Variants in KCNC4 observed in about 807,000 individuals in gnomAD.
The protein encoded by KCNC4 is potassium voltage-gated channel subfamily C member 4.
A neutral mutation model predicts 42.8 loss-of-function variants in KCNC4; 23 were observed. That is an observed-to-expected ratio of 0.54 (90% CI 0.39 to 0.76). The LOEUF is 0.76. Ranked by LOEUF, KCNC4 falls within the 30% of genes least tolerant of loss-of-function variation. The pLI, the probability that KCNC4 is intolerant of heterozygous loss-of-function variation, is 0.00. For synonymous variants in KCNC4, 422 were observed against 393.5 expected (o/e 1.07, Z -0.86); for missense variants, 751 against 898.2 (o/e 0.84, Z 2.10).
downstream of KCNC4, among the ~76,000 whole-genome samples, chr1:110,250,575 C>T (rs182556613): frequency 5.3e-5 from 8 of 152,340 alleles, no homozygotes; most frequent in Non-Finnish European, 5.9e-5. Flanking sequence ...GGGCCAGGGG[C>T]ACTGTCAGTG....
At chr1:110,241,156 G>A (rs1410731323) in exon 4 of KCNC4, 1 of 152,220 alleles carries the variant, frequency 6.6e-6, no homozygotes, top group African/African-American at 2.4e-5. Flanking sequence ...GACAGGACTG[G>A]AAAGTTGCTC....
chr1:110,211,487 C>G lies in KCNC4; in HGVS notation c.-13C>G, dbSNP rs778188117. On this transcript the variant is annotated 5_prime_UTR_variant, in exon 1 of 4. Transcript: ENST00000438661. This position sits in a 1 kb window ranked among gnomAD's most constrained non-coding sequence, Gnocchi z 6.5. ...CAGCGGCCGCCCCAAGCCGGAGCCC[C>G]GCAGCGCTTCTTATGATCAGCTCGG... is the stretch of plus-strand genomic sequence containing the variant. 1.2e-6 allele frequency: 2 copies of G among 1,605,542 alleles called. No homozygotes were observed. Among genetic ancestry groups the G allele is most frequent in the South Asian group, 1.1e-5 (1 of 90,548 alleles).
intron 1 of KCNC4, chr1:110,220,693 T>G (rs1181363744): frequency 6.6e-6 from 1 of 152,192 alleles, no homozygotes; most frequent in Non-Finnish European, 1.5e-5. Flanking sequence ...GAGAGGGTGG[T>G]GCCAGGACTG....
At chr1:110,227,950 C>A (rs1004564365) in intron 3 of KCNC4, among the ~76,000 whole-genome samples, 1 of 152,148 alleles carries the variant, frequency 6.6e-6, no homozygotes, top group East Asian at 1.9e-4. Context: ...GCTCTGTTTT[C>A]AAGATGCCTC....
intron 1 of KCNC4, 79 bp from the exon 2 acceptor site, chr1:110,222,885 A>C (rs1658174282): frequency 9.5e-7 from 1 of 1,051,820 alleles, no homozygotes; most frequent in East Asian, 2.5e-5. Context: ...GGTAACCTTC[A>C]TGCAGAAGTC....
chr1:110,251,960 G>C (rs1659257627), downstream of KCNC4, among the ~76,000 whole-genome samples: 1 of 152,174 alleles, frequency 6.6e-6, no homozygotes, highest in Admixed American at 6.5e-5. Context: ...CCCACATTAG[G>C]GGGACTTTGA....
At chr1:110,231,394 AG>A (rs1658684026) in intron 3 of KCNC4, among the ~76,000 whole-genome samples, 1 of 152,152 alleles carries the variant, frequency 6.6e-6, no homozygotes, top group Admixed American at 6.5e-5. Flanking sequence ...CCCAACTCTC[AG>A]AGGTCCCTGA....
exon 4 of KCNC4, chr1:110,242,045 C>G (rs1487938156): frequency 6.6e-6 from 1 of 152,176 alleles, no homozygotes; most frequent in Non-Finnish European, 1.5e-5. Context: ...TAAGATTTGT[C>G]CAGAATAATT....
intron 3 of KCNC4, chr1:110,232,226 T>TTCGTCC: frequency 1.9e-6 from 3 of 1,613,878 alleles, no homozygotes; most frequent in Non-Finnish European, 2.5e-6. Context: ...GACAGGCACA[T>TTCGTCC]TCGTCCTCCG....
At chr1:110,230,010 G>A (rs970660600) in intron 3 of KCNC4, among the ~76,000 whole-genome samples, 2 of 152,210 alleles carry the variant, frequency 1.3e-5, no homozygotes, top group East Asian at 3.8e-4. Context: ...CAGAGGCTGG[G>A]AAATCTGAGG....
downstream of KCNC4, among the ~76,000 whole-genome samples, chr1:110,249,667 G>A: frequency 6.6e-6 from 1 of 152,304 alleles, no homozygotes; most frequent in East Asian, 1.9e-4. Flanking sequence ...GCTCTTGTCT[G>A]CTCTCCTTAA....
chr1:110,256,871 G>T (rs1360453964), intron 1 of KCNC4: 1 of 156,158 alleles, frequency 6.4e-6, no homozygotes, highest in South Asian at 1.8e-4. Context: ...CTCATTTTTT[G>T]AGTATAAAAG....
chr1:110,268,620 A>G (rs1363293661), intron 1 of KCNC4, among the ~76,000 whole-genome samples: 2 of 148,646 alleles, frequency 1.3e-5, no homozygotes, highest in Non-Finnish European at 3.0e-5. Flanking sequence ...GAAAAAAAAA[A>G]AAAAAAAGAA....
At chr1:110,247,035 G>A (rs955166177) in exon 4 of KCNC4, 7 of 151,824 alleles carry the variant, frequency 4.6e-5, no homozygotes, top group Admixed American at 2.6e-4. Context: ...TGTGTCTAAC[G>A]TATTTCACCT....
At chr1:110,221,018 G>A (rs1658065096) in intron 1 of KCNC4, 1 of 152,324 alleles carries the variant, frequency 6.6e-6, no homozygotes, top group South Asian at 2.1e-4. Context: ...TGCTGTTTCT[G>A]ATCAACCCAT....
At chr1:110,236,622 A>G (rs1370113902), downstream of KCNC4, 1 of 152,194 alleles carries the variant, frequency 6.6e-6, no homozygotes, top group Non-Finnish European at 1.5e-5. Flanking sequence ...TCATTCATTA[A>G]TTAGCAGCAG....
chr1:110,220,037 C>T (rs560953101), intron 1 of KCNC4: 3 of 152,130 alleles, frequency 2.0e-5, no homozygotes, highest in Non-Finnish European at 2.9e-5. Context: ...ACCAAGGTTT[C>T]AACAAAGGAG....
intron 1 of KCNC4, chr1:110,220,304 C>T (rs1010477178): frequency 6.6e-6 from 1 of 152,278 alleles, no homozygotes; most frequent in African/African-American, 2.4e-5. Context: ...AATGGACAGA[C>T]AGGAATCCAG....
In KCNC4 at chr1:110,211,438, T is replaced by C; in HGVS notation, c.-62T>C. 1 of 1,522,170 alleles carries C rather than the reference T, an allele frequency of 6.6e-7. No individual in the cohort carries two copies. The highest frequency in any genetic ancestry group is 1.3e-5 in the South Asian group (1 of 78,756). The allele number at this position is 1,522,170 out of a possible 1,614,324, so 94.3% of individuals were successfully genotyped here. On this transcript the variant is annotated 5_prime_UTR_variant, in exon 1 of 4. Transcript: ENST00000438661. This position sits in a 1 kb window ranked among gnomAD's most constrained non-coding sequence, Gnocchi z 6.5. ...TCCCCCTCCCCCGTCTGACGCTGCC[T>C]CCTCGGGAAGGGTGTTTGGAGGGCA...
Sources: allele counts gnomAD v4.1 joint callset (sites outside exome capture counted in the v4.1 genomes callset), GRCh38; gene constraint gnomAD v4.1.1; non-coding constraint Gnocchi (gnomAD v3.1); transcripts MANE v1.5; gene names NCBI Gene and HGNC (gene_info 2026-07-23, HGNC 2026-07-21).